Variants in FYB1 observed in about 807,000 individuals in gnomAD.
The protein encoded by FYB1 is FYN binding protein 1.
A neutral mutation model predicts 94.1 loss-of-function variants in FYB1; 41 were observed. That is an observed-to-expected ratio of 0.44 (90% CI 0.34 to 0.57). The LOEUF (loss-of-function observed/expected upper bound fraction) is 0.57, where lower values mean the gene tolerates loss of function less well. FYB1 is among the 20% of genes least tolerant of loss of function. The pLI is 0.02. For missense variants in FYB1, 1,050 were observed against 976.8 expected (o/e 1.07, Z -1.00); for synonymous variants, 367 against 353.2 (o/e 1.04, Z -0.44).
intron 2 of FYB1, among the ~76,000 whole-genome samples, chr5:39,172,541 G>T (rs369806402): frequency 6.2e-4 from 94 of 152,270 alleles, no homozygotes; most frequent in African/African-American, 1.8e-3. Context: ...TGAGGCTTGG[G>T]GTCCCAGTGA....
At chr5:39,118,563 C>T (rs762023353) in intron 16 of FYB1, among the ~76,000 whole-genome samples, 3 of 152,052 alleles carry the variant, frequency 2.0e-5, no homozygotes, top group Non-Finnish European at 2.9e-5. Flanking sequence ...CAGGGAACTG[C>T]GATTTTAATA....
intron 1 of FYB1, among the ~76,000 whole-genome samples, chr5:39,211,467 G>T (rs959034177): frequency 3.3e-5 from 5 of 151,822 alleles, no homozygotes; most frequent in African/African-American, 7.3e-5. Context: ...AACTACAGGC[G>T]CCCGCCACCA....
At chr5:39,238,123 T>C (rs1751049591) in intron 1 of FYB1, among the ~76,000 whole-genome samples, 1 of 152,102 alleles carries the variant, frequency 6.6e-6, no homozygotes, top group African/African-American at 2.4e-5. Context: ...CACTGAACTG[T>C]ACCCTTAAAA....
chr5:39,185,091 C>G (rs1221224275), intron 2 of FYB1, among the ~76,000 whole-genome samples: 1 of 152,040 alleles, frequency 6.6e-6, no homozygotes, highest in African/African-American at 2.4e-5. Flanking sequence ...TTAAAATTCT[C>G]TTCAGATTTT....
chr5:39,106,962 A>G lies in FYB1; in HGVS notation c.*481T>C, dbSNP rs1230868646. 6.6e-6 allele frequency: 1 copy of G among 152,164 alleles called. No individual in the cohort carries two copies. The highest frequency in any genetic ancestry group is 2.4e-5 in the African/African-American group (1 of 41,462). The allele number at this position is 152,164 out of a possible 1,614,324, so 9.4% of individuals were successfully genotyped here. ...GCACTGCCTTTTTAAAAGACAGGTCACTTGAATAGAGAATATAAGATATAA... is the reference window on the plus strand; with the variant it reads ...GCACTGCCTTTTTAAAAGACAGGTCGCTTGAATAGAGAATATAAGATATAA... On this transcript the variant is annotated 3_prime_UTR_variant, in exon 19 of 19. Transcript: ENST00000512982.
chr5:39,248,984 T>C (rs1360348317), intron 1 of FYB1, among the ~76,000 whole-genome samples: 1 of 152,228 alleles, frequency 6.6e-6, no homozygotes, highest in Non-Finnish European at 1.5e-5. Context: ...TAAAATTAAA[T>C]AAAATAAACA....
At chr5:39,166,887 G>T (rs1744786969) in intron 2 of FYB1, among the ~76,000 whole-genome samples, 1 of 151,814 alleles carries the variant, frequency 6.6e-6, no homozygotes, top group Non-Finnish European at 1.5e-5. Flanking sequence ...TATAATAAAA[G>T]CCCAGACTTC....
intron 3 of FYB1, among the ~76,000 whole-genome samples, chr5:39,151,011 C>G (rs1253207464): frequency 1.3e-5 from 2 of 152,190 alleles, no homozygotes; most frequent in African/African-American, 2.4e-5. Context: ...TAAGCTGACT[C>G]TTTCCCTACC....
intron 1 of FYB1, among the ~76,000 whole-genome samples, chr5:39,211,376 A>G (rs780602064): frequency 1.4e-5 from 2 of 145,406 alleles, no homozygotes; most frequent in Non-Finnish European, 3.0e-5. Context: ...GCTGCAGTGC[A>G]GTGGCGCGAT....
chr5:39,139,769 T>C (rs1331671162), intron 4 of FYB1: 1 of 152,134 alleles, frequency 6.6e-6, no homozygotes, highest in African/African-American at 2.4e-5. Context: ...ATAAAAACAG[T>C]GTGGTGTTGG....
At chr5:39,244,946 A>C (rs192285342) in intron 1 of FYB1, among the ~76,000 whole-genome samples, 3 of 152,210 alleles carry the variant, frequency 2.0e-5, no homozygotes, top group Admixed American at 6.5e-5. Context: ...TTATAGTATT[A>C]TCTGATGGTA....
rs1038204918 is a variant in FYB1 at position 39,249,773 on chromosome 5, T to C, written c.-28+24630A>G. Among the ~76,000 whole-genome samples the C allele has an allele frequency of 2.0e-5, 3 of 152,170 alleles. No homozygotes were observed. The South Asian group carries it at 6.2e-4, about 31-fold the overall frequency. Reference sequence around the variant, plus strand: ...GGGATGCACTCAGCAAGTTACAGAATACAAGAGGAGGAACAGATCTGGTGA... The same window carrying C: ...GGGATGCACTCAGCAAGTTACAGAACACAAGAGGAGGAACAGATCTGGTGA... On this transcript the variant is annotated intron_variant, in intron 1 of 1. Coordinates refer to the FYB1 transcript ENST00000510188.
chr5:39,227,970 C>T (rs1750556089), intron 1 of FYB1, among the ~76,000 whole-genome samples: 1 of 152,134 alleles, frequency 6.6e-6, no homozygotes, highest in South Asian at 2.1e-4. Context: ...GAACTGGGAA[C>T]AGAAGGCTTG....
intron 16 of FYB1, among the ~76,000 whole-genome samples, chr5:39,111,634 A>C (rs758633719): frequency 6.6e-6 from 1 of 151,962 alleles, no homozygotes; most frequent in African/African-American, 2.4e-5. Flanking sequence ...AAAACAATTT[A>C]TAAGTATCAT....
chr5:39,138,638 T>A lies in FYB1; in HGVS notation c.1394+19A>T. 4 of 1,486,444 alleles carry A rather than the reference T, an allele frequency of 2.7e-6. No individual in the cohort carries two copies. The highest frequency in any genetic ancestry group is 3.7e-6 in the Non-Finnish European group (4 of 1,075,322). The allele number at this position is 1,486,444 out of a possible 1,614,324, so 92.1% of individuals were successfully genotyped here. On this transcript the variant is annotated intron_variant, in intron 6 of 18. Coordinates refer to ENST00000512982, the MANE Select transcript of FYB1 (RefSeq NM_001465.6). Reference sequence around the variant, plus strand: ...TCATCTTTGAAGAAAACTGTCATGGTAAAAAATGTAATTCATACATGTCTT... The same window carrying A: ...TCATCTTTGAAGAAAACTGTCATGGAAAAAAATGTAATTCATACATGTCTT...
chr5:39,207,923 T>C (rs150501232), intron 1 of FYB1, among the ~76,000 whole-genome samples: 2 of 152,152 alleles, frequency 1.3e-5, no homozygotes, highest in Admixed American at 6.5e-5. Flanking sequence ...CAAGAAAGAA[T>C]TATCAGTCCA....
Position 39,132,532 on chromosome 5 carries a change from A to G in FYB1, c.1817+1676T>C, listed in dbSNP as rs146149109. On this transcript the variant is annotated intron_variant, in intron 9 of 18. Coordinates refer to ENST00000512982, the MANE Select transcript of FYB1 (RefSeq NM_001465.6). Reference sequence around the variant, plus strand: ...TTCCAACTTCCTGCTTTTACTAAATATAAGATTCTTTTTTTGTTATATGTT... The same window carrying G: ...TTCCAACTTCCTGCTTTTACTAAATGTAAGATTCTTTTTTTGTTATATGTT... Among the ~76,000 whole-genome samples, 129 of 152,288 alleles carry G rather than the reference A, an allele frequency of 8.5e-4. 1 individual carries two copies. The highest frequency in any genetic ancestry group is 3.0e-3 in the African/African-American group (126 of 41,558).
intron 1 of FYB1, among the ~76,000 whole-genome samples, chr5:39,235,800 C>T (rs573284698): frequency 2.6e-5 from 4 of 152,036 alleles, no homozygotes; most frequent in Non-Finnish European, 4.4e-5. Context: ...TGAAATCAAA[C>T]GTCTTCTATA....
intron 16 of FYB1, among the ~76,000 whole-genome samples, chr5:39,113,936 TCTC>T (rs1224957035): frequency 6.6e-6 from 1 of 152,150 alleles, no homozygotes; most frequent in African/African-American, 2.4e-5. Flanking sequence ...CTTCCCCTCT[TCTC>T]TGTTTATATT....
Sources: gnomAD v4.1 joint callset for allele counts (sites outside exome capture counted in the v4.1 genomes callset) on GRCh38, gnomAD v4.1.1 for gene constraint, MANE v1.5 for transcripts, NCBI Gene and HGNC (gene_info 2026-07-23, HGNC 2026-07-21) for gene names.